The following SERPINB8 variants were observed in gnomAD, a reference collection of about 807,000 sequenced individuals.
SERPINB8 encodes the protein serpin family B member 8.
A neutral mutation model predicts 35.3 loss-of-function variants in SERPINB8; 25 were observed. The ratio of observed to expected loss-of-function variants is 0.71; its 90% CI spans 0.52 to 0.99. The LOEUF (loss-of-function observed/expected upper bound fraction) is 0.99, where lower values mean the gene tolerates loss of function less well. Among genes scored for constraint, SERPINB8 ranks in the 50% least tolerant of loss-of-function variants. The pLI, the probability that SERPINB8 is intolerant of heterozygous loss-of-function variation, is 0.00. For missense variants in SERPINB8, 484 were observed against 446.5 expected, an observed-to-expected ratio of 1.08 and a Z score of -0.76; for synonymous variants, 186 against 160.8, an observed-to-expected ratio of 1.16 and a Z score of -1.19.
downstream of SERPINB8, among the ~76,000 whole-genome samples, chr18:64,009,238 A>G (rs981064895): frequency 7.2e-4 from 109 of 152,342 alleles, 1 homozygote; most frequent in African/African-American, 2.4e-3. Flanking sequence ...TCATAGAAAG[A>G]CCTTGAGTTG....
At chr18:63,993,474 T>A (rs927310815), downstream of SERPINB8, among the ~76,000 whole-genome samples, 5 of 152,342 alleles carry the variant, frequency 3.3e-5, no homozygotes, top group Non-Finnish European at 2.9e-5. Flanking sequence ...CCCCTAAATA[T>A]GGTCTATCTC....
intron 1 of SERPINB8, among the ~76,000 whole-genome samples, chr18:63,997,164 GCA>G: frequency 6.6e-6 from 1 of 152,304 alleles, no homozygotes; most frequent in East Asian, 1.9e-4. Flanking sequence ...CAGCCAAAAG[GCA>G]CATACACTTT....
chr18:64,011,357 T>C (rs2144849958), intron 7 of SERPINB8, among the ~76,000 whole-genome samples: 1 of 152,158 alleles, frequency 6.6e-6, no homozygotes. Context: ...ATGCTGTCAT[T>C]TGGTATAGAA....
chr18:63,993,436 C>CT (rs2050834041), downstream of SERPINB8, among the ~76,000 whole-genome samples: 2 of 152,054 alleles, frequency 1.3e-5, no homozygotes, highest in African/African-American at 4.8e-5. Flanking sequence ...GACTTGTATT[C>CT]TTTTAAGATA....
intron 6 of SERPINB8, chr18:63,986,117 G>A: frequency 1.4e-6 from 1 of 727,234 alleles, no homozygotes; most frequent in African/African-American, 1.8e-5. Context: ...GAGAAAATTA[G>A]GAGAGTCTAG....
chr18:63,998,110 T>C (rs1455606106), intron 1 of SERPINB8, among the ~76,000 whole-genome samples: 1 of 152,188 alleles, frequency 6.6e-6, no homozygotes, highest in Non-Finnish European at 1.5e-5. Flanking sequence ...AGGCTAAACA[T>C]TCTGCTCAGG....
At chr18:64,014,399 GC>G (rs1190554633) in intron 7 of SERPINB8, among the ~76,000 whole-genome samples, 1 of 152,166 alleles carries the variant, frequency 6.6e-6, no homozygotes, top group East Asian at 1.9e-4. Flanking sequence ...TGAGGTTCCT[GC>G]AATGTATACA....
At chr18:63,986,845 T>G (rs776083657) in intron 6 of SERPINB8, 29 bp from the exon 7 acceptor site, 3 of 1,566,434 alleles carry the variant, frequency 1.9e-6, no homozygotes, top group Non-Finnish European at 2.6e-6. Context: ...GTCATCTAAA[T>G]TTTAAGGTTT....
At chr18:63,973,817 G>A (rs2050533768) in intron 1 of SERPINB8, among the ~76,000 whole-genome samples, 1 of 152,158 alleles carries the variant, frequency 6.6e-6, no homozygotes, top group African/African-American at 2.4e-5. Context: ...TATTATTTCT[G>A]AGGCCTCTGT....
chr18:63,991,354 T>C (rs1439205042), downstream of SERPINB8, among the ~76,000 whole-genome samples: 1 of 151,978 alleles, frequency 6.6e-6, no homozygotes, highest in Non-Finnish European at 1.5e-5. Flanking sequence ...GAACAAGGCA[T>C]GTTTCTCATT....
At chr18:63,996,209 A>G (rs536059636) in intron 1 of SERPINB8, among the ~76,000 whole-genome samples, 2 of 152,290 alleles carry the variant, frequency 1.3e-5, no homozygotes, top group East Asian at 1.9e-4. Flanking sequence ...TTATGGGACA[A>G]TTGGGCTGGT....
At chr18:63,973,589 T>A (rs1312854865) in intron 1 of SERPINB8, among the ~76,000 whole-genome samples, 2 of 152,366 alleles carry the variant, frequency 1.3e-5, no homozygotes, top group East Asian at 3.9e-4. Context: ...TGAATGGTAT[T>A]GCCTAGGTTT....
rs553762241 is a variant in SERPINB8, at chr18:63,981,164, A to T, written c.307-557A>T. On this transcript the variant is annotated intron_variant, in intron 3 of 6. Coordinates refer to ENST00000397985, the MANE Select transcript of SERPINB8 (RefSeq NM_002640.4). ...ATGAACCCAGTTGCACACACACCCT[A>T]TGATCCAGGCCTATCACGCTCCATT... Among the ~76,000 whole-genome samples, 5 of 152,234 alleles carry T rather than the reference A, an allele frequency of 3.3e-5. 1 individual carries two copies. In the East Asian group the frequency reaches 7.7e-4, roughly 24 times the overall value.
chr18:64,013,301 A>G (rs2050934356), intron 7 of SERPINB8, among the ~76,000 whole-genome samples: 1 of 152,022 alleles, frequency 6.6e-6, no homozygotes, highest in Non-Finnish European at 1.5e-5. Context: ...TGATTTATCC[A>G]TCAATAGCCA....
chr18:63,987,005 A>G lies in SERPINB8; in HGVS notation c.852A>G (p.Arg284=). The part of the protein sequence containing the change: ...EESYDLEPFL[R]RLGMIDAFDE... ...GTTATGACTTGGAGCCTTTCCTTCG[A>G]AGATTAGGAATGATCGATGCTTTTG... Residue 284 remains arginine (R), a synonymous_variant, in exon 7 of 7, where the codon CGA becomes CGG. Transcript: ENST00000397985. The G allele has an allele frequency of 6.2e-7, 1 of 1,614,206 alleles. No homozygotes were observed. The highest frequency in any genetic ancestry group is 1.3e-5 in the African/African-American group (1 of 75,052).
chr18:64,001,500 T>TTTATTTATTTATTTATTTAC (rs1353053862), intron 1 of SERPINB8, among the ~76,000 whole-genome samples: 3 of 151,360 alleles, frequency 2.0e-5, no homozygotes, highest in African/African-American at 4.9e-5. Context: ...TATTTATTTA[T>TTTATTTATTTATTTATTTAC]TTACTTAGAG....
rs564756497 is a variant in SERPINB8, at chr18:63,988,846, C to T, written c.*1568C>T. Reference sequence around the variant, plus strand: ...AAGGTATACATCTGTGAGTTTTGTTCTCACTTCCACCTCTAATTTGAAGAA... The same window carrying T: ...AAGGTATACATCTGTGAGTTTTGTTTTCACTTCCACCTCTAATTTGAAGAA... On this transcript the variant is annotated 3_prime_UTR_variant, in exon 7 of 7. Coordinates refer to ENST00000397985, the MANE Select transcript of SERPINB8 (RefSeq NM_002640.4). 9.9e-4 allele frequency: 151 copies of T among 152,316 alleles called. No homozygotes were observed. Among genetic ancestry groups the T allele is most frequent in the African/African-American group, 3.5e-3 (147 of 41,560 alleles). The allele number at this position is 152,316 out of a possible 1,614,324, so 9.4% of individuals were successfully genotyped here. A position where few individuals can be genotyped will look rare whatever the true frequency, so the allele number is the denominator to read the frequency against.
At chr18:63,979,176 A>G (rs1177189075) in intron 2 of SERPINB8, among the ~76,000 whole-genome samples, 1 of 152,186 alleles carries the variant, frequency 6.6e-6, no homozygotes, top group African/African-American at 2.4e-5. Flanking sequence ...GTTTCTTTCA[A>G]CTGATTGGAG....
At position 64,010,866 on chromosome 18, in the gene SERPINB8, G is replaced by A. The variant is rs117811232; in HGVS notation, c.*2+5986G>A. ...TGAATGTGATCCATTAGATCAATAA[G>A]AACTTCAAAGTCATTTATGATCTTC... On this transcript the variant is annotated intron_variant, in intron 7 of 7. Coordinates refer to the SERPINB8 transcript ENST00000636430. Among the ~76,000 whole-genome samples, 508 of 151,942 alleles carry A rather than the reference G, an allele frequency of 3.3e-3. 1 individual carries two copies. Among genetic ancestry groups the A allele is most frequent in the Non-Finnish European group, 6.2e-3 (424 of 67,896 alleles).
Sources: allele counts gnomAD v4.1 joint callset (sites outside exome capture counted in the v4.1 genomes callset), GRCh38; gene constraint gnomAD v4.1.1; transcripts MANE v1.5; gene names NCBI Gene and HGNC (gene_info 2026-07-23, HGNC 2026-07-21).